Variants in SLC19A2 observed in about 807,000 individuals in gnomAD.
SLC19A2 encodes the protein thiamine transporter 1.
Under a neutral mutation model 44.7 loss-of-function variants are expected in SLC19A2, and 27 were observed. The observed-to-expected ratio is 0.60, with a 90% CI of 0.45 to 0.83. The LOEUF (loss-of-function observed/expected upper bound fraction) is 0.83. Among genes scored for constraint, SLC19A2 ranks in the 40% least tolerant of loss-of-function variants. The pLI, the probability that SLC19A2 is intolerant of heterozygous loss-of-function variation, is 0.00. For synonymous variants in SLC19A2, 239 were observed against 243.6 expected (o/e 0.98, Z 0.18); for missense variants, 566 against 613.7 (o/e 0.92, Z 0.82).
chr1:169,475,377 G>C (rs1038684088), intron 2 of SLC19A2, among the ~76,000 whole-genome samples: 1 of 151,976 alleles, frequency 6.6e-6, no homozygotes, highest in South Asian at 2.1e-4. Flanking sequence ...ACCTATGTAT[G>C]TACAGGTTTT....
intron 1 of SLC19A2, 48 bp downstream of exon 1, chr1:169,485,511 ACCCG>A: frequency 6.5e-7 from 1 of 1,540,928 alleles, no homozygotes; most frequent in Non-Finnish European, 8.8e-7. Context: ...TCCGCTGCCC[ACCCG>A]CAGGCCGGTC....
chr1:169,485,333 G>C lies in SLC19A2; in HGVS notation c.204+230C>G, dbSNP rs1034894350. On this transcript the variant is annotated intron_variant, in intron 1 of 5. Coordinates refer to ENST00000236137, the MANE Select transcript of SLC19A2 (RefSeq NM_006996.3). ...GCATACTGCCTGACGCACAAGGCAC[G>C]GGGCCTCTGGACGCGTGTTCTGAGC... 3.9e-5 allele frequency among the ~76,000 whole-genome samples: 6 copies of C among 152,320 alleles called. No homozygotes were observed. The East Asian group carries it at 9.7e-4, about 25-fold the overall frequency.
intron 1 of SLC19A2, among the ~76,000 whole-genome samples, chr1:169,485,131 A>C (rs972434544): frequency 4.6e-5 from 7 of 152,242 alleles, no homozygotes; most frequent in Non-Finnish European, 1.0e-4. Flanking sequence ...AGGTAGAGGG[A>C]AGATCCTTTC....
chr1:169,483,238 A>G (rs1658481716), intron 1 of SLC19A2, among the ~76,000 whole-genome samples: 1 of 152,234 alleles, frequency 6.6e-6, no homozygotes, highest in Admixed American at 6.5e-5. Flanking sequence ...CAGTCTTCTA[A>G]GAGCAAATAC....
chr1:169,472,780 C>CTG (rs2101777292), intron 2 of SLC19A2, among the ~76,000 whole-genome samples: 1 of 152,350 alleles, frequency 6.6e-6, no homozygotes, highest in South Asian at 2.1e-4. Context: ...TCCTTCTATG[C>CTG]TGTTTTCTAG....
intron 5 of SLC19A2, among the ~76,000 whole-genome samples, chr1:169,467,395 C>T (rs1658016595): frequency 6.6e-6 from 1 of 152,166 alleles, no homozygotes; most frequent in Non-Finnish European, 1.5e-5. Context: ...TACTATTTCT[C>T]TCTTAGATCG....
intron 2 of SLC19A2, among the ~76,000 whole-genome samples, chr1:169,476,568 A>C (rs1216088861): frequency 1.3e-5 from 2 of 152,054 alleles, no homozygotes. Context: ...AAATACAAAA[A>C]TTAGCTGGGC....
intron 2 of SLC19A2, among the ~76,000 whole-genome samples, chr1:169,474,364 C>A (rs1288094983): frequency 1.3e-5 from 2 of 152,106 alleles, no homozygotes; most frequent in Non-Finnish European, 2.9e-5. Context: ...AGAACCTGTG[C>A]TAAAGAAGTG....
At chr1:169,469,927 C>T (rs1233714493) in intron 3 of SLC19A2, 37 bp downstream of exon 3, 1 of 1,577,142 alleles carries the variant, frequency 6.3e-7, no homozygotes, top group African/African-American at 1.3e-5. Flanking sequence ...AGGAATCCCT[C>T]CCCCACCACG....
rs558617037 is a variant in SLC19A2, at chr1:169,477,675, C to T, written c.287G>A (p.Arg96His). Residue 96 changes from arginine (R) to histidine (H), a missense_variant, in exon 2 of 6, where the codon CGT becomes CAT. By Grantham distance (29) the Arg-to-His change is conservative. Coordinates refer to ENST00000236137, the MANE Select transcript of SLC19A2 (RefSeq NM_006996.3). ...CTGCAGTAGAACAACAGGTTTATAA[C>T]GGAGGTAGTCTGTGGCAAGGAACAC... The part of the protein sequence containing the change: ...FPVFLATDYL[R>H]YKPVVLLQGL... 16 of 1,613,216 alleles carry T rather than the reference C, an allele frequency of 9.9e-6. No homozygotes were observed. Among genetic ancestry groups the T allele is most frequent in the South Asian group, 9.9e-5 (9 of 91,052 alleles).
chr1:169,479,504 A>G (rs1311223717), intron 1 of SLC19A2, among the ~76,000 whole-genome samples: 1 of 152,164 alleles, frequency 6.6e-6, no homozygotes, highest in East Asian at 1.9e-4. Context: ...CTTAATCTCC[A>G]TTATCAGTAA....
intron 2 of SLC19A2, among the ~76,000 whole-genome samples, chr1:169,476,543 AC>A (rs1225171813): frequency 6.6e-6 from 1 of 151,890 alleles, no homozygotes; most frequent in Non-Finnish European, 1.5e-5. Context: ...ACATGATGAA[AC>A]CCCGTCTCTA....
Position 169,485,563 on chromosome 1 carries a change from C to T in SLC19A2, c.204G>A (p.Glu68=), listed in dbSNP as rs1006414225. The T allele has an allele frequency of 1.9e-6, 3 of 1,583,808 alleles. No individual in the cohort carries two copies. The African/African-American group carries it at 4.0e-5, about 21-fold the overall frequency. Residue 68 remains glutamate, a splice_region_variant and synonymous_variant, in exon 1 of 6, where the codon GAG becomes GAA. Transcript: ENST00000236137. ...CGCGCCCCGCGTCCGCCGCGCGTAC[C>T]TCCCTCTCGGTCAGGTTCTTGTCCG... is the stretch of plus-strand genomic sequence containing the variant. The part of the protein sequence containing the change: ...LGPDKNLTER[E]VFNEIYPVWT...
chr1:169,467,638 A>G (rs763957501), intron 5 of SLC19A2, among the ~76,000 whole-genome samples: 4 of 152,212 alleles, frequency 2.6e-5, no homozygotes, highest in Non-Finnish European at 5.9e-5. Flanking sequence ...CTCAATAGTC[A>G]TAAGTTACAA....
At position 169,463,998 on chromosome 1, in the gene SLC19A2, A is replaced by G. The variant is rs914067127; in HGVS notation, c.*1851T>C. 1.3e-5 allele frequency: 2 copies of G among 152,512 alleles called. No homozygotes were observed. The highest frequency in any genetic ancestry group is 2.4e-5 in the African/African-American group (1 of 41,432). The allele number at this position is 152,512 out of a possible 1,614,324, so 9.4% of individuals were successfully genotyped here. A position where few individuals can be genotyped will look rare whatever the true frequency, so the allele number is the denominator to read the frequency against. ...TACAGAATTGAATAAAAAGTACAAC[A>G]AATTATTTTCACTTATTTACAAAAC... On this transcript the variant is annotated 3_prime_UTR_variant, in exon 6 of 6. Transcript: ENST00000236137.
rs1204771673 is a variant in SLC19A2 at position 169,465,979 on chromosome 1, T to C, written c.1366-2A>G. ...AAAATAACTGGCATAGATCAAAAACTAGAAGGGGGAAAAGCAGTTTATTGA... is the reference window on the plus strand; with the variant it reads ...AAAATAACTGGCATAGATCAAAAACCAGAAGGGGGAAAAGCAGTTTATTGA... On this transcript the variant is annotated splice_acceptor_variant, in intron 5 of 5. Transcript: ENST00000236137. LOFTEE classifies it high-confidence loss of function. 2 of 1,613,876 alleles carry C rather than the reference T, an allele frequency of 1.2e-6. No individual in the cohort carries two copies. The highest frequency in any genetic ancestry group is 1.7e-6 in the Non-Finnish European group (2 of 1,179,860).
chr1:169,468,714 T>A lies in SLC19A2; in HGVS notation c.1153A>T (p.Asn385Tyr), dbSNP rs780668773. The A allele has an allele frequency of 5.6e-6, 9 of 1,613,690 alleles. 1 individual carries two copies. In the South Asian group the frequency reaches 9.9e-5, roughly 18 times the overall value. ...AAVYIMDTVG[N>Y]IWVCYASYVV... Reference sequence around the variant, plus strand: ...TAGGATGCATAGCACACCCAAATGTTACCCACAGTGTCCATGATATACACT... The same window carrying A: ...TAGGATGCATAGCACACCCAAATGTAACCCACAGTGTCCATGATATACACT... Residue 385 changes from asparagine to tyrosine, a missense_variant, in exon 4 of 6, where the codon AAC becomes TAC. Physicochemically the swap from Asn to Tyr is moderately radical, Grantham distance 143. Transcript: ENST00000236137.
rs188689051 is a variant in SLC19A2 at position 169,469,270 on chromosome 1, C to T, written c.1031-434G>A. 6.1e-3 allele frequency: 1,256 copies of T among 206,160 alleles called. 5 individuals carry two copies. The highest frequency in any genetic ancestry group is 9.6e-3 in the Non-Finnish European group (984 of 102,002). The allele number at this position is 206,160 out of a possible 1,614,324, so 12.8% of individuals were successfully genotyped here. ...AAAACAGTGATGATGATAAGGATAG[C>T]TAAAATCTATGAAGTGTTTTCTGAG... On this transcript the variant is annotated intron_variant, in intron 3 of 5. Transcript: ENST00000236137.
chr1:169,467,031 C>T lies in SLC19A2; in HGVS notation c.1366-1054G>A, dbSNP rs571846407. 1.2e-3 allele frequency among the ~76,000 whole-genome samples: 179 copies of T among 152,230 alleles called. 1 individual carries two copies. Among genetic ancestry groups the T allele is most frequent in the Admixed American group, 2.9e-3 (45 of 15,290 alleles). On this transcript the variant is annotated intron_variant, in intron 5 of 5. Transcript: ENST00000236137. The stretch of plus-strand genomic sequence containing the variant: ...CATGGCAGTTAGGGTTTCAGCACCA[C>T]CCATAAAATCCTATTATTCCACGTG...
Sources: gnomAD v4.1 joint callset for allele counts (sites outside exome capture counted in the v4.1 genomes callset) on GRCh38, gnomAD v4.1.1 for gene constraint, MANE v1.5 for transcripts, NCBI Gene and HGNC (gene_info 2026-07-23, HGNC 2026-07-21) for gene names.